The following NOX4 variants were observed in gnomAD, a reference collection of about 807,000 sequenced individuals.
The protein encoded by NOX4 is NADPH oxidase 4, also known as kidney oxidase-1.
A neutral mutation model predicts 87.6 loss-of-function variants in NOX4; 69 were observed. That is an observed-to-expected ratio of 0.79 (90% CI 0.65 to 0.96). The LOEUF (loss-of-function observed/expected upper bound fraction) is 0.96. NOX4 is among the 40% of genes least tolerant of loss of function. The pLI is 0.00. For synonymous variants in NOX4, 275 were observed against 238.2 expected (o/e 1.15, Z -1.42); for missense variants, 680 against 681.5 (o/e 1.00, Z 0.02).
the NOX4 span, among the ~76,000 whole-genome samples, chr11:89,540,786 TAAAAAAAAAAAAAAAAAAAAAAAAAAAA>T: frequency 2.5e-3 from 108 of 43,518 alleles, no homozygotes; most frequent in Non-Finnish European, 3.0e-3. Flanking sequence ...AGACTCCGTC[TAAAAAAAAAAAAAAAAAAAAAAAAAAAA>T]AAAAAAAAAA....
chr11:89,342,803 A>G (rs1946061949), intron 13 of NOX4, among the ~76,000 whole-genome samples: 1 of 152,182 alleles, frequency 6.6e-6, no homozygotes, highest in Non-Finnish European at 1.5e-5. Flanking sequence ...GCTCATGTTT[A>G]TATATTCAAG....
At chr11:89,429,236 A>C (rs956363119) in intron 7 of NOX4, among the ~76,000 whole-genome samples, 5 of 152,180 alleles carry the variant, frequency 3.3e-5, no homozygotes, top group African/African-American at 1.2e-4. Context: ...TTATAGCACT[A>C]AATGTCCACA....
chr11:89,523,200 T>C, the NOX4 span, among the ~76,000 whole-genome samples: 1 of 151,998 alleles, frequency 6.6e-6, no homozygotes, highest in Non-Finnish European at 1.5e-5. Context: ...ATTTTTGTAT[T>C]TTTAGTAGAC....
chr11:89,402,359 C>T lies in NOX4; in HGVS notation c.813G>A (p.Met271Ile). The T allele has an allele frequency of 1.9e-6, 3 of 1,613,096 alleles. No homozygotes were observed. The highest frequency in any genetic ancestry group is 1.3e-5 in the African/African-American group (1 of 74,986). ...FTQHKFVKICMEEPRFQANFP... is the reference protein window; with the variant it reads ...FTQHKFVKICIEEPRFQANFP... Reference sequence around the variant, plus strand: ...AATTAGCTTGGAATCTGGGCTCTTCCATACAAATCTTCACAAATTTGTGCT... The same window carrying T: ...AATTAGCTTGGAATCTGGGCTCTTCTATACAAATCTTCACAAATTTGTGCT... The change falls in exon 9 of 18, where the codon ATG becomes ATA. Residue 271 changes from methionine to isoleucine, a missense_variant. Physicochemically the swap from Met to Ile is conservative, Grantham distance 10. Transcript: ENST00000263317.
At chr11:89,461,671 A>ATAAATAAATAAAT (rs1945473683) in intron 2 of NOX4, among the ~76,000 whole-genome samples, 1 of 48,904 alleles carries the variant, frequency 2.0e-5, no homozygotes, top group African/African-American at 1.5e-4. Flanking sequence ...AATAAATAAG[A>ATAAATAAATAAAT]GAAGAAAATA....
the NOX4 span, among the ~76,000 whole-genome samples, chr11:89,554,069 T>G: frequency 6.6e-6 from 1 of 151,770 alleles, no homozygotes; most frequent in South Asian, 2.1e-4. Context: ...AAAAAGTCTT[T>G]CCTAGGTTTC....
chr11:89,483,529 T>C (rs942435600), intron 2 of NOX4, among the ~76,000 whole-genome samples: 8 of 150,906 alleles, frequency 5.3e-5, no homozygotes, highest in African/African-American at 1.7e-4. Context: ...ATGTTACTTA[T>C]ATGTGTCATC....
the NOX4 span, among the ~76,000 whole-genome samples, chr11:89,520,134 G>C: frequency 3.3e-5 from 5 of 151,874 alleles, no homozygotes; most frequent in African/African-American, 9.7e-5. Flanking sequence ...TGGGGAAGGC[G>C]TAGCTCCCCA....
chr11:89,438,820 ATATAATATCTTATATATTATATATAT>A (rs1944273668), intron 6 of NOX4, among the ~76,000 whole-genome samples: 4 of 48,498 alleles, frequency 8.2e-5, no homozygotes, highest in Admixed American at 3.9e-4. Flanking sequence ...TATATATATT[ATATAATATCTTATATATTATATATAT>A]TATATAATAT....
intron 12 of NOX4, among the ~76,000 whole-genome samples, chr11:89,355,818 G>A (rs1472783472): frequency 6.6e-6 from 1 of 152,096 alleles, no homozygotes; most frequent in Non-Finnish European, 1.5e-5. Context: ...ACACCCTGCA[G>A]AAACTTTCAC....
At chr11:89,515,855 G>C in the NOX4 span, among the ~76,000 whole-genome samples, 4 of 151,760 alleles carry the variant, frequency 2.6e-5, no homozygotes, top group African/African-American at 9.7e-5. Context: ...CTATTCCTAG[G>C]CTTTTTATTC....
chr11:89,417,762 A>G (rs1942864008), intron 8 of NOX4, among the ~76,000 whole-genome samples: 1 of 152,118 alleles, frequency 6.6e-6, no homozygotes, highest in South Asian at 2.1e-4. Context: ...TCTTACTAAC[A>G]TTTATTAAGT....
the NOX4 span, among the ~76,000 whole-genome samples, chr11:89,511,360 A>C: frequency 1.0e-4 from 15 of 149,604 alleles, no homozygotes; most frequent in Non-Finnish European, 8.8e-5. Context: ...TCTAATTAAA[A>C]TTTTATACCC....
At chr11:89,463,709 C>T (rs979547249) in intron 2 of NOX4, among the ~76,000 whole-genome samples, 1 of 151,754 alleles carries the variant, frequency 6.6e-6, no homozygotes, top group Non-Finnish European at 1.5e-5. Flanking sequence ...TTAATATGTC[C>T]AGTTAGGTTA....
chr11:89,511,940 T>C, the NOX4 span, among the ~76,000 whole-genome samples: 1 of 152,122 alleles, frequency 6.6e-6, no homozygotes, highest in African/African-American at 2.4e-5. Context: ...CTTCTCACTT[T>C]GACCATCAAT....
intron 9 of NOX4, 27 bp from the exon 10 acceptor site, chr11:89,400,406 TCAAGAAATAC>T: frequency 4.5e-6 from 7 of 1,542,958 alleles, no homozygotes; most frequent in Admixed American, 3.8e-5. Context: ...AAAATATACT[TCAAGAAATAC>T]TCATATTGTA....
At chr11:89,426,790 C>CG (rs958924512) in intron 7 of NOX4, among the ~76,000 whole-genome samples, 1 of 152,136 alleles carries the variant, frequency 6.6e-6, no homozygotes, top group African/African-American at 2.4e-5. Flanking sequence ...GACTCCACCT[C>CG]GGGGGGCAGG....
chr11:89,539,992 A>G, the NOX4 span, among the ~76,000 whole-genome samples: 1 of 152,190 alleles, frequency 6.6e-6, no homozygotes, highest in African/African-American at 2.4e-5. Context: ...AAGCAGACTC[A>G]GGCTTGAGTT....
rs1941531296 is a variant in NOX4, at chr11:89,396,891, T to G, written c.1074+3126A>C. On this transcript the variant is annotated intron_variant, in intron 11 of 17. Coordinates refer to ENST00000263317, the MANE Select transcript of NOX4 (RefSeq NM_016931.5). The stretch of plus-strand genomic sequence containing the variant: ...AGTGGGAGACTTTAACACCCCACTT[T>G]CAATATTAGACAGATCAATGAGACA... 3.9e-5 allele frequency among the ~76,000 whole-genome samples: 6 copies of G among 152,054 alleles called. No homozygotes were observed. In the South Asian group the frequency reaches 1.2e-3, roughly 32 times the overall value.
Sources: gnomAD v4.1 joint callset for allele counts (sites outside exome capture counted in the v4.1 genomes callset) on GRCh38, gnomAD v4.1.1 for gene constraint, MANE v1.5 for transcripts, NCBI Gene and HGNC (gene_info 2026-07-23, HGNC 2026-07-21) for gene names.